SND1: variants seen among roughly 807,000 people sequenced by gnomAD.
SND1 encodes the protein staphylococcal nuclease domain-containing protein 1.
Under a neutral mutation model 121.7 loss-of-function variants are expected in SND1, and 38 were observed. That is an observed-to-expected ratio of 0.31 (90% CI 0.24 to 0.41). The LOEUF is 0.41. SND1 is among the 10% of genes least tolerant of loss of function. The pLI is 1.00. For missense variants in SND1, 868 were observed against 1,184.6 expected (o/e 0.73, Z 3.92); for synonymous variants, 401 against 447.4 (o/e 0.90, Z 1.31).
Position 128,074,571 on chromosome 7 carries a change from A to T in SND1, c.1849A>T (p.Asn617Tyr), listed in dbSNP as rs1345381660. Reference sequence around the variant, plus strand: ...CGGCTGGCTGCACATCGACGGTGCCAACCTGTCCGTCCTGCTGGTGGAGCA... The same window carrying T: ...CGGCTGGCTGCACATCGACGGTGCCTACCTGTCCGTCCTGCTGGTGGAGCA... ...FIGWLHIDGA[N>Y]LSVLLVEHAL... Residue 617 changes from asparagine (N) to tyrosine (Y), a missense_variant, in exon 17 of 24, where the codon AAC becomes TAC. By Grantham distance (143) the Asn-to-Tyr change is moderately radical (BLOSUM62 -2). Around this residue, in one of 2 missense-constraint regions of SND1, gnomAD observed 743 missense variants for 1,071.3 expected, o/e 0.69. Transcript: ENST00000354725. 1 of 1,613,680 alleles carries T rather than the reference A, an allele frequency of 6.2e-7. No individual in the cohort carries two copies. Among genetic ancestry groups the T allele is most frequent in the South Asian group, 1.1e-5 (1 of 91,064 alleles).
intron 14 of SND1, among the ~76,000 whole-genome samples, chr7:127,914,380 T>C (rs1377941347): frequency 2.0e-5 from 3 of 152,210 alleles, no homozygotes; most frequent in Non-Finnish European, 4.4e-5. Context: ...CCCTGGCATA[T>C]GTCTCTTCTT....
intron 10 of SND1, 66 bp downstream of exon 10, chr7:127,721,466 A>C: frequency 1.2e-6 from 1 of 848,566 alleles, no homozygotes; most frequent in South Asian, 1.3e-5. Flanking sequence ...AGAATTGATT[A>C]ATATATGACA....
chr7:128,015,940 T>TA lies in SND1; in HGVS notation c.1779+24885dup, dbSNP rs369986191. ...TTTAGATAGGGCCATGCAATGTAAA[T>TA]ACATTATTTGTATTTACATTTGGGT... On this transcript the variant is annotated intron_variant, in intron 16 of 23. Coordinates refer to ENST00000354725, the MANE Select transcript of SND1 (RefSeq NM_014390.4). This position sits in a 1 kb window ranked among gnomAD's most constrained non-coding sequence, Gnocchi z 4.5. Among the ~76,000 whole-genome samples the TA allele has an allele frequency of 9.1e-4, 139 of 152,228 alleles. 1 individual carries two copies. The highest frequency in any genetic ancestry group is 3.4e-3 in the Middle Eastern group (1 of 294).
At chr7:127,701,462 C>A in intron 5 of SND1, 139 bp downstream of exon 5, 6 of 818,036 alleles carry the variant, frequency 7.3e-6, no homozygotes, top group Admixed American at 3.0e-5. Context: ...AAGGTTAAAA[C>A]AGCACCTTAG....
chr7:128,066,931 G>A (rs1793325565), intron 16 of SND1, among the ~76,000 whole-genome samples: 1 of 152,180 alleles, frequency 6.6e-6, no homozygotes, highest in Admixed American at 6.5e-5. Context: ...GGAAGAGGCA[G>A]GAGTACCTTG....
intron 15 of SND1, among the ~76,000 whole-genome samples, chr7:127,967,725 C>T (rs767981428): frequency 1.2e-4 from 18 of 152,156 alleles, no homozygotes; most frequent in African/African-American, 4.1e-4. Context: ...CATTAGTATA[C>T]GGTTACTGTG....
chr7:127,727,034 A>G (rs974184244), intron 10 of SND1, among the ~76,000 whole-genome samples: 1 of 152,210 alleles, frequency 6.6e-6, no homozygotes, highest in African/African-American at 2.4e-5. Context: ...CCCTGCTACC[A>G]GCCTCTATTC....
At chr7:128,077,572 T>C (rs980532610) in intron 17 of SND1, among the ~76,000 whole-genome samples, 1 of 152,100 alleles carries the variant, frequency 6.6e-6, no homozygotes, top group Non-Finnish European at 1.5e-5. Flanking sequence ...CCACCGGGGG[T>C]ACCAGCAGTG....
chr7:128,019,603 T>G (rs183695461), intron 16 of SND1, among the ~76,000 whole-genome samples: 1 of 152,204 alleles, frequency 6.6e-6, no homozygotes, highest in Non-Finnish European at 1.5e-5. Context: ...AGCTTTGAAG[T>G]TGAAAAGAGA....
chr7:127,880,172 C>G (rs1394184966), intron 12 of SND1, among the ~76,000 whole-genome samples: 2 of 152,206 alleles, frequency 1.3e-5, no homozygotes, highest in East Asian at 3.9e-4. Flanking sequence ...ATTGTATACA[C>G]TACCTGCATC....
chr7:127,860,178 C>G (rs571951165), intron 12 of SND1, among the ~76,000 whole-genome samples: 1 of 152,146 alleles, frequency 6.6e-6, no homozygotes, highest in African/African-American at 2.4e-5. Flanking sequence ...CAACATTATG[C>G]TTCCTTAATG....
In SND1 at chr7:128,085,302, C is replaced by T. The variant is rs997398833; in HGVS notation, c.2235-409C>T. Among the ~76,000 whole-genome samples, 3 of 152,140 alleles carry T rather than the reference C, an allele frequency of 2.0e-5. No individual in the cohort carries two copies. The highest frequency in any genetic ancestry group is 4.4e-5 in the Non-Finnish European group (3 of 68,014). ...AGAAGGTCGCTGATGTGTAATCTAC[C>T]AAGGGAGGGCCCATGGCCTTCCCAG... On this transcript the variant is annotated intron_variant, in intron 19 of 23. Transcript: ENST00000354725. This position sits in a 1 kb window ranked among gnomAD's most constrained non-coding sequence, Gnocchi z 4.4.
intron 1 of SND1, among the ~76,000 whole-genome samples, chr7:127,673,697 A>G (rs141516637): frequency 6.6e-6 from 1 of 152,270 alleles, no homozygotes; most frequent in African/African-American, 2.4e-5. Flanking sequence ...TTGTTTTTCA[A>G]CTGTAATAGA....
chr7:127,882,451 G>A (rs964359942), intron 12 of SND1, among the ~76,000 whole-genome samples: 1 of 148,330 alleles, frequency 6.7e-6, no homozygotes, highest in African/African-American at 2.5e-5. Context: ...GAGGGGAAGA[G>A]AGGGGAGAGG....
intron 1 of SND1, among the ~76,000 whole-genome samples, chr7:127,674,894 A>G (rs983977219): frequency 7.0e-6 from 1 of 143,546 alleles, no homozygotes; most frequent in Non-Finnish European, 1.6e-5. Context: ...TGATGTATTT[A>G]GTGTTTAAAA....
At chr7:127,683,915 A>G (rs1053171628) in intron 1 of SND1, among the ~76,000 whole-genome samples, 2 of 152,242 alleles carry the variant, frequency 1.3e-5, no homozygotes, top group Non-Finnish European at 2.9e-5. Flanking sequence ...TTCTGACAGC[A>G]GCCTTTAGCA....
rs1793800564 is a variant in SND1, at chr7:128,092,477, T to C, written c.*419T>C. The C allele has an allele frequency of 1.5e-5, 3 of 197,842 alleles. No homozygotes were observed. Among genetic ancestry groups the C allele is most frequent in the Middle Eastern group, 2.1e-3 (1 of 474 alleles). The allele number at this position is 197,842 out of a possible 1,614,324, so 12.3% of individuals were successfully genotyped here. A position where few individuals can be genotyped will look rare whatever the true frequency, so the allele number is the denominator to read the frequency against. The stretch of plus-strand genomic sequence containing the variant: ...CAGCTCTCTGTCCAACTGTTGATTA[T>C]GTGATTTTTCTGATACGTCCATTCT... On this transcript the variant is annotated 3_prime_UTR_variant, in exon 24 of 24. Coordinates refer to ENST00000354725, the MANE Select transcript of SND1 (RefSeq NM_014390.4). This position sits in a 1 kb window ranked among gnomAD's most constrained non-coding sequence, Gnocchi z 4.9.
In SND1 at chr7:128,089,470, G is replaced by C. The variant is rs758295389; in HGVS notation, c.2419-19G>C. On this transcript the variant is annotated intron_variant, in intron 21 of 23. Coordinates refer to ENST00000354725, the MANE Select transcript of SND1 (RefSeq NM_014390.4). ...GTTGTTCTCTGGCTTGCTCTGACCT[G>C]AGTGTGTCTCTGCTCCAGGATGATG... 2.4e-5 allele frequency: 39 copies of C among 1,601,392 alleles called. No homozygotes were observed. Among genetic ancestry groups the C allele is most frequent in the Non-Finnish European group, 3.1e-5 (36 of 1,171,376 alleles).
chr7:127,886,870 A>G (rs1799919417), intron 12 of SND1, among the ~76,000 whole-genome samples: 1 of 142,324 alleles, frequency 7.0e-6, no homozygotes, highest in African/African-American at 2.6e-5. Context: ...AAAAAAAAAG[A>G]TTTGTTGCAT....
Sources: allele counts gnomAD v4.1 joint callset (sites outside exome capture counted in the v4.1 genomes callset), GRCh38; gene constraint gnomAD v4.1.1; regional missense constraint gnomAD v4.1.1; non-coding constraint Gnocchi (gnomAD v3.1); transcripts MANE v1.5; gene names NCBI Gene and HGNC (gene_info 2026-07-23, HGNC 2026-07-21).